Variants in ZNF469 observed in about 807,000 individuals in gnomAD.
ZNF469 encodes zinc finger protein 469.
ZNF469 carries 1 observed loss-of-function variant against 1.0 expected under a neutral mutation model. That is an observed-to-expected ratio of 1.00 (90% confidence interval 0.35 to 4.73). The LOEUF is 4.73. Ranked by LOEUF, ZNF469 falls within the 30% of genes most tolerant of loss-of-function variation. The pLI, the probability that ZNF469 is intolerant of heterozygous loss-of-function variation, is 0.16. For synonymous variants in ZNF469, 2,703 were observed against 2,363.4 expected (o/e 1.14, Z -4.17); for missense variants, 6,100 against 5,356.3 (o/e 1.14, Z -4.33).
the ZNF469 span, among the ~76,000 whole-genome samples, chr16:88,176,264 C>T: frequency 6.7e-6 from 1 of 150,174 alleles, no homozygotes; most frequent in Admixed American, 6.6e-5. Flanking sequence ...GCCTCCTGCT[C>T]TCCACCCTGG....
the ZNF469 span, among the ~76,000 whole-genome samples, chr16:88,355,787 G>A: frequency 6.6e-6 from 1 of 152,194 alleles, no homozygotes; most frequent in Admixed American, 6.5e-5. Flanking sequence ...GCGGGGCCGG[G>A]GGACACTCAG....
chr16:88,197,776 G>A, the ZNF469 span, among the ~76,000 whole-genome samples: 1 of 152,232 alleles, frequency 6.6e-6, no homozygotes, highest in Non-Finnish European at 1.5e-5. Flanking sequence ...CCTGGAGAGT[G>A]TGTGCTGGCT....
the ZNF469 span, among the ~76,000 whole-genome samples, chr16:88,213,606 T>C: frequency 6.6e-6 from 1 of 152,186 alleles, no homozygotes; most frequent in Non-Finnish European, 1.5e-5. Flanking sequence ...TAAATTTCTC[T>C]CCTCATCCTA....
the ZNF469 span, among the ~76,000 whole-genome samples, chr16:88,350,507 C>T: frequency 6.6e-6 from 1 of 152,260 alleles, no homozygotes; most frequent in African/African-American, 2.4e-5. Flanking sequence ...CCTCTCAGAG[C>T]CTCAGTTTCC....
chr16:88,116,955 GCACACACACACACACACACACA>G, the ZNF469 span, among the ~76,000 whole-genome samples: 2 of 151,202 alleles, frequency 1.3e-5, no homozygotes, highest in Admixed American at 6.6e-5. Flanking sequence ...GTGCATGCGT[GCACACACACACACACACACACA>G]CACACACACA....
At chr16:88,143,456 C>G in the ZNF469 span, among the ~76,000 whole-genome samples, 1 of 152,000 alleles carries the variant, frequency 6.6e-6, no homozygotes, top group Non-Finnish European at 1.5e-5. Context: ...GATACAGATG[C>G]CCCCCCACTC....
the ZNF469 span, among the ~76,000 whole-genome samples, chr16:88,157,809 C>T: frequency 6.6e-6 from 1 of 151,898 alleles, no homozygotes; most frequent in East Asian, 1.9e-4. Context: ...GTTATATGAC[C>T]GTGCCATCCT....
chr16:88,153,800 A>G, the ZNF469 span, among the ~76,000 whole-genome samples: 1 of 152,186 alleles, frequency 6.6e-6, no homozygotes, highest in African/African-American at 2.4e-5. Context: ...ATGTCCTCAC[A>G]GGGCCTTCCC....
chr16:88,375,024 G>A, the ZNF469 span, among the ~76,000 whole-genome samples: 1 of 152,256 alleles, frequency 6.6e-6, no homozygotes, highest in Non-Finnish European at 1.5e-5. Context: ...GCACCGAAGC[G>A]CTGGGACTGT....
chr16:88,437,531 G>A lies in ZNF469; in HGVS notation c.10061G>A (p.Arg3354His). The A allele has an allele frequency of 6.5e-7, 1 of 1,541,908 alleles. No homozygotes were observed. Among genetic ancestry groups the A allele is most frequent in the Non-Finnish European group, 8.8e-7 (1 of 1,141,294 alleles). Residue 3354 changes from arginine to histidine, a missense_variant, in exon 3 of 3, where the codon CGC (arginine) becomes CAC (histidine). Coordinates refer to ENST00000565624, the MANE Select transcript of ZNF469 (RefSeq NM_001367624.2). ...KRFPKPFKLQ[R>H]HLAVHSPQRV... is the part of the protein sequence containing the mutation. ...TTCCCCAAGCCCTTCAAGCTGCAGC[G>A]CCACCTGGCGGTGCACAGCCCGCAG...
the ZNF469 span, among the ~76,000 whole-genome samples, chr16:88,269,146 C>T: frequency 8.6e-5 from 13 of 151,514 alleles, no homozygotes; most frequent in African/African-American, 1.7e-4. Flanking sequence ...GGGGCAGGCA[C>T]GGCAGGCGGG....
chr16:88,433,455 A>C lies in ZNF469; in HGVS notation c.5985A>C (p.Gln1995His), dbSNP rs1402735196. ...GCCAAGCCGAGAAAACCCAGGGCCA[A>C]GGCACAGCCAACCAGCTTCAGCCAG... ...LLGQAEKTQG[Q>H]GTANQLQPEN... The change falls in exon 3 of 3, where the codon CAA (glutamine) becomes CAC (histidine). Residue 1995 changes from glutamine (Q) to histidine (H), a missense_variant. Gln to His is a conservative substitution (Grantham distance 24). Coordinates refer to ENST00000565624, the MANE Select transcript of ZNF469 (RefSeq NM_001367624.2). 1.3e-6 allele frequency: 2 copies of C among 1,550,292 alleles called. No individual in the cohort carries two copies. The highest frequency in any genetic ancestry group is 2.4e-5 in the East Asian group (1 of 40,924).
Position 88,428,470 on chromosome 16 carries a change from C to G in ZNF469, c.1000C>G (p.Pro334Ala), listed in dbSNP as rs1249426812. ...YPLPTQPAPS[P>A]LPCYQGQPGG... Reference sequence around the variant, plus strand: ...GCTGCCCACCCAGCCTGCGCCCTCACCCCTGCCCTGCTACCAGGGCCAGCC... The same window carrying G: ...GCTGCCCACCCAGCCTGCGCCCTCAGCCCTGCCCTGCTACCAGGGCCAGCC... Residue 334 changes from proline to alanine, a missense_variant, in exon 3 of 3, where the codon CCC becomes GCC. By Grantham distance (27) the Pro-to-Ala change is conservative. Coordinates refer to ENST00000565624, the MANE Select transcript of ZNF469 (RefSeq NM_001367624.2). The G allele has an allele frequency of 3.2e-6, 5 of 1,549,026 alleles. No individual in the cohort carries two copies. The highest frequency in any genetic ancestry group is 1.4e-5 in the African/African-American group (1 of 73,024).
the ZNF469 span, among the ~76,000 whole-genome samples, chr16:88,265,823 G>C: frequency 6.6e-6 from 1 of 152,240 alleles, no homozygotes; most frequent in Non-Finnish European, 1.5e-5. Flanking sequence ...ATCCCCGCTG[G>C]CTTCTCCACT....
the ZNF469 span, among the ~76,000 whole-genome samples, chr16:88,221,650 C>T: frequency 1.3e-5 from 2 of 152,234 alleles, no homozygotes; most frequent in Non-Finnish European, 2.9e-5. Context: ...TCATGCATCC[C>T]CAGGGGTCCT....
chr16:88,170,610 G>T, the ZNF469 span, among the ~76,000 whole-genome samples: 1 of 152,198 alleles, frequency 6.6e-6, no homozygotes, highest in Non-Finnish European at 1.5e-5. The surrounding 1 kb of genome is among the most constrained non-coding windows in gnomAD (Gnocchi z 4.2). Context: ...ACAGATGACA[G>T]GACGGCCTTC....
chr16:88,187,166 G>T, the ZNF469 span, among the ~76,000 whole-genome samples: 23 of 151,952 alleles, frequency 1.5e-4, no homozygotes, highest in Non-Finnish European at 2.9e-4. Flanking sequence ...CTCACCTGGT[G>T]GGGGGAGCCC....
intron 2 of ZNF469, among the ~76,000 whole-genome samples, chr16:88,425,153 C>T (rs1365531388): frequency 2.6e-5 from 4 of 152,232 alleles, no homozygotes; most frequent in Non-Finnish European, 4.4e-5. Flanking sequence ...CCAGCTCCTT[C>T]CCTTGACAAA....
chr16:88,239,669 A>ATATATATG, the ZNF469 span, among the ~76,000 whole-genome samples: 1 of 4,130 alleles, frequency 2.4e-4, no homozygotes, highest in Non-Finnish European at 3.8e-4. Context: ...TTTTTTTTGT[A>ATATATATG]TATATATATA....
Sources: allele counts gnomAD v4.1 joint callset (sites outside exome capture counted in the v4.1 genomes callset), GRCh38; gene constraint gnomAD v4.1.1; non-coding constraint Gnocchi (gnomAD v3.1); transcripts MANE v1.5; gene names NCBI Gene and HGNC (gene_info 2026-07-23, HGNC 2026-07-21).